FARP1: variants seen among roughly 807,000 people sequenced by gnomAD.
FARP1 encodes FERM, ARH/RhoGEF and pleckstrin domain protein 1.
FARP1 carries 52 observed loss-of-function variants against 128.8 expected under a neutral mutation model. The ratio of observed to expected loss-of-function variants is 0.40; its 90% CI spans 0.32 to 0.51. The LOEUF (loss-of-function observed/expected upper bound fraction) is 0.51. Ranked by LOEUF, FARP1 falls within the 20% of genes least tolerant of loss-of-function variation. FARP1 has a pLI of 0.45. For synonymous variants in FARP1, 580 were observed against 551.8 expected, an observed-to-expected ratio of 1.05 and a Z score of -0.72; for missense variants, 1,333 against 1,367.9, an observed-to-expected ratio of 0.97 and a Z score of 0.40.
chr13:98,238,920 A>G (rs537352436), intron 2 of FARP1, among the ~76,000 whole-genome samples: 7 of 152,270 alleles, frequency 4.6e-5, no homozygotes, highest in Admixed American at 3.9e-4. Flanking sequence ...CACATTGTTC[A>G]AGGGCCAGCT....
At chr13:98,314,613 C>T (rs956635260) in intron 2 of FARP1, among the ~76,000 whole-genome samples, 4 of 152,188 alleles carry the variant, frequency 2.6e-5, no homozygotes, top group Non-Finnish European at 4.4e-5. Context: ...AATTTCAAGA[C>T]GGCTCAAAAA....
chr13:98,231,707 G>A lies in FARP1; in HGVS notation c.171+18294G>A, dbSNP rs148063616. 3.3e-5 allele frequency among the ~76,000 whole-genome samples: 5 copies of A among 152,206 alleles called. 1 individual carries two copies. The highest frequency in any genetic ancestry group is 1.2e-4 in the African/African-American group (5 of 41,534). ...GTCTGCCTTGGCCTCCGAAAGTGTT[G>A]GTGAGCCACCACACCCGGCCTCATT... On this transcript the variant is annotated intron_variant, in intron 2 of 26. Coordinates refer to ENST00000319562, the MANE Select transcript of FARP1 (RefSeq NM_005766.4).
intron 2 of FARP1, chr13:98,334,067 C>T (rs1173863117): frequency 6.6e-6 from 1 of 151,730 alleles, no homozygotes. Context: ...TACGGTGACC[C>T]AGTGAAGTGG....
intron 2 of FARP1, among the ~76,000 whole-genome samples, chr13:98,330,606 T>A (rs1327797926): frequency 6.6e-6 from 1 of 151,880 alleles, no homozygotes; most frequent in Non-Finnish European, 1.5e-5. Flanking sequence ...AATACAAAAA[T>A]TAGCTGGGCG....
At chr13:98,205,696 T>C (rs1454621344) in intron 1 of FARP1, among the ~76,000 whole-genome samples, 1 of 152,150 alleles carries the variant, frequency 6.6e-6, no homozygotes, top group African/African-American at 2.4e-5. Context: ...CCCAGCCAGT[T>C]CTCTGTGTTT....
At chr13:98,216,148 A>G (rs1881051146) in intron 2 of FARP1, among the ~76,000 whole-genome samples, 2 of 152,186 alleles carry the variant, frequency 1.3e-5, no homozygotes. Context: ...AAACAGATGT[A>G]TTCCTTAACT....
At chr13:98,438,782 C>T in intron 19 of FARP1, 22 bp from the exon 20 acceptor site, 1 of 1,610,086 alleles carries the variant, frequency 6.2e-7, no homozygotes, top group Non-Finnish European at 8.5e-7. Context: ...GCAGCCAGCC[C>T]TCCGGTCTGT....
chr13:98,223,573 G>A (rs1341683494), intron 2 of FARP1, among the ~76,000 whole-genome samples: 2 of 152,060 alleles, frequency 1.3e-5, no homozygotes, highest in Non-Finnish European at 2.9e-5. Flanking sequence ...TGATCCACCC[G>A]CCTCGGCCTC....
intron 2 of FARP1, among the ~76,000 whole-genome samples, chr13:98,299,010 G>T (rs905915739): frequency 6.6e-6 from 1 of 152,200 alleles, no homozygotes. Flanking sequence ...GCTATCTGGC[G>T]GGAGGGATGG....
At chr13:98,438,909 T>C (rs1892407092) in intron 20 of FARP1, 37 bp downstream of exon 20, 1 of 1,602,582 alleles carries the variant, frequency 6.2e-7, no homozygotes, top group African/African-American at 1.3e-5. Flanking sequence ...ACAAGGATTG[T>C]GTCACCTGGG....
At chr13:98,434,085 A>T (rs952735640) in intron 18 of FARP1, 1 of 152,202 alleles carries the variant, frequency 6.6e-6, no homozygotes, top group Non-Finnish European at 1.5e-5. Context: ...GCTATCCTTG[A>T]TGATTGAGGA....
rs115362598 is a variant in FARP1 at position 98,407,965 on chromosome 13, T to C, written c.1415-1373T>C. Among the ~76,000 whole-genome samples, 578 of 152,114 alleles carry C rather than the reference T, an allele frequency of 3.8e-3. 5 individuals carry two copies. The highest frequency in any genetic ancestry group is 0.013 in the African/African-American group (555 of 41,494). ...AGAACAGATGACAGGAAAATGGGGG[T>C]GCTCCTAGAAAACCGCCCTCCACCT... is the stretch of plus-strand genomic sequence containing the variant. On this transcript the variant is annotated intron_variant, in intron 13 of 26. Coordinates refer to ENST00000319562, the MANE Select transcript of FARP1 (RefSeq NM_005766.4).
chr13:98,235,435 T>G (rs1882357231), intron 2 of FARP1, among the ~76,000 whole-genome samples: 1 of 152,120 alleles, frequency 6.6e-6, no homozygotes, highest in Admixed American at 6.5e-5. Context: ...GTTTCAAATA[T>G]AAAGAAATCT....
intron 2 of FARP1, among the ~76,000 whole-genome samples, chr13:98,282,684 C>T (rs920115338): frequency 1.3e-5 from 2 of 152,182 alleles, no homozygotes; most frequent in African/African-American, 4.8e-5. Flanking sequence ...GCAGGCGGAT[C>T]ACAAAGTCAA....
intron 3 of FARP1, among the ~76,000 whole-genome samples, chr13:98,349,062 A>G (rs1888297206): frequency 6.6e-6 from 1 of 152,248 alleles, no homozygotes; most frequent in Non-Finnish European, 1.5e-5. Context: ...AGATAGTTGT[A>G]TACGGAAAAT....
intron 2 of FARP1, among the ~76,000 whole-genome samples, chr13:98,294,414 T>C (rs60492252): frequency 2.2e-3 from 341 of 152,330 alleles, no homozygotes; most frequent in African/African-American, 8.0e-3. Flanking sequence ...AATACTGTTA[T>C]AATATTTATT....
At chr13:98,379,180 A>T (rs866890316) in intron 6 of FARP1, among the ~76,000 whole-genome samples, 4 of 60,518 alleles carry the variant, frequency 6.6e-5, no homozygotes, top group Admixed American at 3.8e-4. Context: ...ATCTATATAT[A>T]ATATATATAA....
intron 2 of FARP1, among the ~76,000 whole-genome samples, chr13:98,318,591 C>T (rs1323072667): frequency 6.6e-6 from 1 of 152,224 alleles, no homozygotes; most frequent in Non-Finnish European, 1.5e-5. Flanking sequence ...CTGAGGCACC[C>T]TGGCATCTCC....
chr13:98,202,555 A>C (rs1302294630), intron 1 of FARP1, among the ~76,000 whole-genome samples: 1 of 152,098 alleles, frequency 6.6e-6, no homozygotes, highest in Non-Finnish European at 1.5e-5. Context: ...GTTTCTCTTC[A>C]TCTACCCGGC....
Sources: allele counts gnomAD v4.1 joint callset (sites outside exome capture counted in the v4.1 genomes callset), GRCh38; gene constraint gnomAD v4.1.1; transcripts MANE v1.5; gene names NCBI Gene and HGNC (gene_info 2026-07-23, HGNC 2026-07-21).